SND1: variants seen among roughly 807,000 people sequenced by gnomAD.
SND1 encodes the protein staphylococcal nuclease and tudor domain containing 1.
A neutral mutation model predicts 121.7 loss-of-function variants in SND1; 38 were observed. The observed-to-expected ratio is 0.31, with a 90% confidence interval of 0.24 to 0.41. The LOEUF is 0.41. Ranked by LOEUF, SND1 falls within the 10% of genes least tolerant of loss-of-function variation. The pLI is 1.00. For missense variants in SND1, 868 were observed against 1,184.6 expected (o/e 0.73, Z 3.92); for synonymous variants, 401 against 447.4 (o/e 0.90, Z 1.31).
intron 16 of SND1, among the ~76,000 whole-genome samples, chr7:128,066,657 CG>C (rs1275524228): frequency 1.3e-5 from 2 of 152,202 alleles, no homozygotes; most frequent in African/African-American, 4.8e-5. Flanking sequence ...TGAAAGAAGT[CG>C]GTGTGGCTGT....
intron 9 of SND1, among the ~76,000 whole-genome samples, chr7:127,709,712 C>CTGT (rs1190309041): frequency 1.3e-5 from 2 of 152,008 alleles, no homozygotes; most frequent in African/African-American, 4.8e-5. Flanking sequence ...AAGTTTTATT[C>CTGT]ATTACAGTGC....
At chr7:127,805,899 A>G (rs1798229945) in intron 10 of SND1, among the ~76,000 whole-genome samples, 1 of 152,166 alleles carries the variant, frequency 6.6e-6, no homozygotes, top group Non-Finnish European at 1.5e-5. Flanking sequence ...CTGTCTTTCT[A>G]TACTTTTTGC....
chr7:127,931,499 C>T (rs1800955375), intron 15 of SND1, among the ~76,000 whole-genome samples: 2 of 152,152 alleles, frequency 1.3e-5, no homozygotes, highest in African/African-American at 2.4e-5. Context: ...GCAGCAAGTG[C>T]TGATGTAGAA....
At position 127,830,533 on chromosome 7, in the gene SND1, C is replaced by T. The variant is rs972291336; in HGVS notation, c.1243-13791C>T. ...CACTTTTCTTCCCCTGGTAGGATTACATCATATTTATCATTGTTTATTTGC... is the reference window on the plus strand; with the variant it reads ...CACTTTTCTTCCCCTGGTAGGATTATATCATATTTATCATTGTTTATTTGC... On this transcript the variant is annotated intron_variant, in intron 11 of 23. Transcript: ENST00000354725. Among the ~76,000 whole-genome samples, 3 of 152,176 alleles carry T rather than the reference C, an allele frequency of 2.0e-5. No homozygotes were observed. In the South Asian group the frequency reaches 6.2e-4, roughly 32 times the overall value.
chr7:127,784,831 G>A (rs1316301754), intron 10 of SND1, among the ~76,000 whole-genome samples: 1 of 152,186 alleles, frequency 6.6e-6, no homozygotes. Context: ...TTAGAGAAAG[G>A]CATGGGTAGT....
chr7:127,983,457 A>G (rs928110394), intron 15 of SND1, among the ~76,000 whole-genome samples: 3 of 152,112 alleles, frequency 2.0e-5, no homozygotes. Context: ...AAAGACTAGA[A>G]AGGAAGATGA....
intron 13 of SND1, among the ~76,000 whole-genome samples, chr7:127,896,083 T>C (rs1340475062): frequency 2.0e-5 from 3 of 152,100 alleles, no homozygotes; most frequent in Non-Finnish European, 4.4e-5. Flanking sequence ...TCTGTAATCA[T>C]TAGTCTACAC....
intron 16 of SND1, among the ~76,000 whole-genome samples, chr7:128,032,987 T>G (rs1294055428): frequency 4.6e-5 from 7 of 152,028 alleles, no homozygotes; most frequent in African/African-American, 1.7e-4. Context: ...ACACAGCCCG[T>G]TCATTCATGG....
chr7:128,083,240 G>T (rs779386506), intron 18 of SND1, among the ~76,000 whole-genome samples: 1 of 152,182 alleles, frequency 6.6e-6, no homozygotes, highest in African/African-American at 2.4e-5. Context: ...CCTCCCAGAG[G>T]GCTTTGCCTG....
intron 2 of SND1, among the ~76,000 whole-genome samples, chr7:127,689,843 T>C (rs712711): frequency 0.95 from 143,713 of 151,976 alleles, 68,374 homozygotes; most frequent in Non-Finnish European, 1. Context: ...TTTCCTCCTA[T>C]TGTACCCTCA....
At chr7:128,064,422 TAAA>T in intron 16 of SND1, among the ~76,000 whole-genome samples, 1 of 151,858 alleles carries the variant, frequency 6.6e-6, no homozygotes, top group Non-Finnish European at 1.5e-5. Context: ...GCAATAAGGA[TAAA>T]AAAGAGGGGA....
At chr7:127,655,246 A>G (rs1458914997) in intron 1 of SND1, among the ~76,000 whole-genome samples, 1 of 152,320 alleles carries the variant, frequency 6.6e-6, no homozygotes, top group East Asian at 1.9e-4. Context: ...CGTGAAAGAC[A>G]CAAGTTTCTT....
intron 15 of SND1, among the ~76,000 whole-genome samples, chr7:127,979,808 T>G (rs568105795): frequency 1.2e-4 from 19 of 152,362 alleles, no homozygotes; most frequent in Admixed American, 9.8e-4. Flanking sequence ...AATATTCTTC[T>G]TCTGATTTTT....
At chr7:128,073,124 G>A (rs1793442756) in intron 16 of SND1, among the ~76,000 whole-genome samples, 1 of 152,170 alleles carries the variant, frequency 6.6e-6, no homozygotes, top group Non-Finnish European at 1.5e-5. Context: ...ATTAGGGAGG[G>A]GCAGGGTCTT....
chr7:127,985,553 C>T (rs923504731), intron 15 of SND1, among the ~76,000 whole-genome samples: 8 of 152,234 alleles, frequency 5.3e-5, no homozygotes, highest in African/African-American at 1.7e-4. Context: ...CCACTGTGCC[C>T]GGCCATGTAC....
At chr7:127,817,144 C>CT (rs1798458895) in intron 11 of SND1, among the ~76,000 whole-genome samples, 1 of 152,170 alleles carries the variant, frequency 6.6e-6, no homozygotes. Flanking sequence ...TGCTTGCAGT[C>CT]TAACTGGAGT....
chr7:127,775,118 A>G (rs1045204935), intron 10 of SND1, among the ~76,000 whole-genome samples: 2 of 152,216 alleles, frequency 1.3e-5, no homozygotes, highest in South Asian at 4.1e-4. Context: ...ATGGAGGATG[A>G]TCCAACTGTA....
At chr7:127,786,167 C>T (rs995773453) in intron 10 of SND1, among the ~76,000 whole-genome samples, 2 of 152,100 alleles carry the variant, frequency 1.3e-5, no homozygotes, top group African/African-American at 4.8e-5. Flanking sequence ...TTTTACCACA[C>T]TGCAACTTAA....
chr7:128,051,901 A>T (rs1007345902), intron 16 of SND1, among the ~76,000 whole-genome samples: 1 of 152,172 alleles, frequency 6.6e-6, no homozygotes, highest in Non-Finnish European at 1.5e-5. Flanking sequence ...AACTTTCTAA[A>T]AGTCATCCAC....
Sources: allele counts gnomAD v4.1 joint callset (sites outside exome capture counted in the v4.1 genomes callset), GRCh38; gene constraint gnomAD v4.1.1; transcripts MANE v1.5; gene names NCBI Gene and HGNC (gene_info 2026-07-23, HGNC 2026-07-21).